Variants in DLG2 observed in about 807,000 individuals in gnomAD.
DLG2 encodes the protein discs large MAGUK scaffold protein 2, also known as disks large homolog 2.
DLG2 carries 45 observed loss-of-function variants against 132.5 expected under a neutral mutation model. The ratio of observed to expected loss-of-function variants is 0.34; its 90% CI spans 0.27 to 0.44. DLG2 has a LOEUF of 0.44. Ranked by LOEUF, DLG2 falls within the 20% of genes least tolerant of loss-of-function variation. The pLI is 1.00. For missense variants in DLG2, 1,045 were observed against 1,196.9 expected (o/e 0.87, Z 1.87); for synonymous variants, 424 against 419.6 (o/e 1.01, Z -0.13).
At chr11:85,581,883 T>C (rs1164478714) in intron 3 of DLG2, among the ~76,000 whole-genome samples, 108 of 152,294 alleles carry the variant, frequency 7.1e-4, no homozygotes, top group Non-Finnish European at 7.3e-5. Context: ...GCAGCTAATG[T>C]TGAAGAAGGT....
rs73491937 is a variant in DLG2 at position 85,432,936 on chromosome 11, C to G, written c.41-147571G>C. On this transcript the variant is annotated intron_variant, in intron 3 of 27. Transcript: ENST00000376104. ...CCAGAGAGAAAGGCTACATCACCTA[C>G]CAAGGAAAGCCCATCAGACTAACAG... Among the ~76,000 whole-genome samples the G allele has an allele frequency of 6.8e-4, 103 of 152,202 alleles. 1 individual carries two copies. Among genetic ancestry groups the G allele is most frequent in the African/African-American group, 2.5e-3 (102 of 41,534 alleles).
chr11:84,131,851 C>T (rs2094435748), intron 9 of DLG2, among the ~76,000 whole-genome samples: 1 of 151,740 alleles, frequency 6.6e-6, no homozygotes, highest in African/African-American at 2.4e-5. Context: ...ACTTATTTAT[C>T]TTTTAAATTG....
chr11:84,921,008 C>A (rs1295649273), intron 6 of DLG2, among the ~76,000 whole-genome samples: 1 of 151,908 alleles, frequency 6.6e-6, no homozygotes, highest in African/African-American at 2.4e-5. Flanking sequence ...AAACTATATA[C>A]CATAAGAGAG....
At chr11:83,706,776 G>A (rs1023559118) in intron 18 of DLG2, among the ~76,000 whole-genome samples, 4 of 152,164 alleles carry the variant, frequency 2.6e-5, no homozygotes, top group East Asian at 1.9e-4. Flanking sequence ...GTGGGCTCTC[G>A]GGTAGAAAGC....
intron 8 of DLG2, among the ~76,000 whole-genome samples, chr11:84,178,527 G>C (rs1050885733): frequency 6.6e-6 from 1 of 152,094 alleles, no homozygotes; most frequent in Non-Finnish European, 1.5e-5. Context: ...GAAAAGGAAG[G>C]CCTATTCGAA....
intron 15 of DLG2, among the ~76,000 whole-genome samples, chr11:83,929,166 G>A (rs114637621): frequency 0.019 from 2,954 of 152,170 alleles, 65 homozygotes; most frequent in East Asian, 0.071. Context: ...TTTAAAATTT[G>A]TTATTTAACT....
intron 19 of DLG2, among the ~76,000 whole-genome samples, chr11:83,582,741 G>A (rs1468048460): frequency 6.6e-6 from 1 of 152,164 alleles, no homozygotes; most frequent in African/African-American, 2.4e-5. Context: ...GATTAGATAA[G>A]TAGTAACAGG....
intron 19 of DLG2, among the ~76,000 whole-genome samples, chr11:83,584,303 C>A (rs920507865): frequency 2.0e-5 from 3 of 152,144 alleles, no homozygotes; most frequent in South Asian, 2.1e-4. Context: ...AATACACTTA[C>A]GAAAATATGT....
rs35062128 is a variant in DLG2 at position 83,786,766 on chromosome 11, T to A, written c.1749A>T (p.Ala583=). 2,766 of 1,614,122 alleles carry A rather than the reference T, an allele frequency of 1.7e-3. 51 individuals are homozygous for A. In the African/African-American group the frequency reaches 0.033, roughly 19 times the overall value. The change falls in exon 18 of 28, where the codon GCA becomes GCT. Residue 583 remains alanine, a synonymous_variant. Coordinates refer to ENST00000376104, the MANE Select transcript of DLG2 (RefSeq NM_001142699.3). ...GTGCAGCAGCTGCCTGCTCGTGGGA[T>A]GCACCACGGAGGTCAATGCCATTCA... ...LSVNGIDLRG[A]SHEQAAAALK...
chr11:84,115,214 C>A (rs1566566252), intron 9 of DLG2, among the ~76,000 whole-genome samples: 1 of 152,182 alleles, frequency 6.6e-6, no homozygotes, highest in Non-Finnish European at 1.5e-5. Flanking sequence ...ATCCAAACTC[C>A]CCTCAGCCCA....
intron 4 of DLG2, among the ~76,000 whole-genome samples, chr11:85,196,852 C>T (rs1201982645): frequency 2.0e-5 from 3 of 152,132 alleles, no homozygotes; most frequent in African/African-American, 7.2e-5. Flanking sequence ...AGTGTTAAGT[C>T]TTCACGCACA....
chr11:83,781,245 C>G (rs1224919945), intron 18 of DLG2, among the ~76,000 whole-genome samples: 3 of 152,156 alleles, frequency 2.0e-5, no homozygotes, highest in Non-Finnish European at 4.4e-5. Context: ...TATTGTCTTT[C>G]TCCTGCTGCT....
intron 18 of DLG2, among the ~76,000 whole-genome samples, chr11:83,681,322 C>T (rs1443365223): frequency 6.6e-6 from 1 of 152,148 alleles, no homozygotes; most frequent in Non-Finnish European, 1.5e-5. Context: ...GGAGTTAGCA[C>T]GCATCCCGCC....
intron 6 of DLG2, among the ~76,000 whole-genome samples, chr11:84,877,742 T>C: frequency 6.6e-6 from 1 of 152,040 alleles, no homozygotes; most frequent in East Asian, 1.9e-4. Context: ...AAAGAGCTTC[T>C]GCATAGCAAA....
At chr11:84,092,320 A>T (rs1252759122) in intron 10 of DLG2, among the ~76,000 whole-genome samples, 1 of 152,232 alleles carries the variant, frequency 6.6e-6, no homozygotes, top group Non-Finnish European at 1.5e-5. Context: ...TAGATAACAG[A>T]GTTGTATTGC....
intron 18 of DLG2, among the ~76,000 whole-genome samples, chr11:83,691,430 T>G (rs2080972652): frequency 1.3e-5 from 2 of 152,146 alleles, no homozygotes; most frequent in South Asian, 4.1e-4. Flanking sequence ...TCACAATACT[T>G]TTCATTCTCC....
chr11:84,330,174 G>A (rs2098452231), intron 7 of DLG2, among the ~76,000 whole-genome samples: 1 of 152,172 alleles, frequency 6.6e-6, no homozygotes, highest in Non-Finnish European at 1.5e-5. Context: ...TCCAGAGGCT[G>A]ACATTTAAAA....
At chr11:85,152,244 AT>A (rs200542714) in intron 5 of DLG2, among the ~76,000 whole-genome samples, 2,724 of 145,728 alleles carry the variant, frequency 0.019, 54 homozygotes, top group African/African-American at 0.053. Context: ...TTATTTATTA[AT>A]TTTTTTTTTT....
chr11:85,519,110 A>G (rs2094227281), intron 3 of DLG2, among the ~76,000 whole-genome samples: 1 of 152,104 alleles, frequency 6.6e-6, no homozygotes, highest in Admixed American at 6.6e-5. Context: ...TGCAGAAGGG[A>G]AATGTGAGGT....
Sources: gnomAD v4.1 joint callset for allele counts (sites outside exome capture counted in the v4.1 genomes callset) on GRCh38, gnomAD v4.1.1 for gene constraint, MANE v1.5 for transcripts, NCBI Gene and HGNC (gene_info 2026-07-23, HGNC 2026-07-21) for gene names.